Variants in NRG1 observed in about 807,000 individuals in gnomAD.
NRG1 encodes pro-neuregulin-1, membrane-bound isoform.
In NRG1, 18 loss-of-function variants were observed where a neutral mutation model predicts 63.8. The ratio of observed to expected loss-of-function variants is 0.28; its 90% CI spans 0.19 to 0.42. NRG1 has a LOEUF of 0.42. NRG1 is among the 10% of genes least tolerant of loss of function. The probability of loss-of-function intolerance (pLI) is 1.00; values close to 1 mark genes in which losing one functional copy is unlikely to be tolerated. For missense variants in NRG1, 762 were observed against 814.7 expected (o/e 0.94, Z 0.79); for synonymous variants, 302 against 301.3 (o/e 1.00, Z -0.02).
At chr8:31,936,112 G>C (rs1457974964) in intron 1 of NRG1, among the ~76,000 whole-genome samples, 1 of 152,190 alleles carries the variant, frequency 6.6e-6, no homozygotes, top group African/African-American at 2.4e-5. Context: ...ATGCACAAGA[G>C]ATTTCATTGC....
intron 1 of NRG1, among the ~76,000 whole-genome samples, chr8:32,164,260 T>G (rs1247993069): frequency 2.1e-5 from 3 of 142,766 alleles, no homozygotes; most frequent in Non-Finnish European, 4.6e-5. Flanking sequence ...AAAAAAAAAC[T>G]CAACAAGGGA....
Position 32,307,589 on chromosome 8 carries a change from TTGTG to T in NRG1, c.38-288203_38-288200del, listed in dbSNP as rs371611530. Among the ~76,000 whole-genome samples the T allele has an allele frequency of 2.8e-3, 266 of 93,536 alleles. 1 individual carries two copies. Among genetic ancestry groups the T allele is most frequent in the African/African-American group, 8.9e-3 (171 of 19,296 alleles). The allele number at this position is 93,536 out of a possible 152,430, so 61.4% of individuals were successfully genotyped here. On this transcript the variant is annotated intron_variant, in intron 1 of 10. Transcript: ENST00000519301. ...AATGGCTCTATGGTCACCCAGGGGT[TTGTG>T]TGTGTGTGTGTGTGTGTGTGTGTGT...
rs536518073 is a variant in NRG1, at chr8:31,726,309, G to A, written c.37+86878G>A. ...GGAAACAATTTCCTGAGAAGTATTA[G>A]GTTAGACTGTACAAATGTAAAAAAC... On this transcript the variant is annotated intron_variant, in intron 1 of 10. Coordinates refer to the NRG1 transcript ENST00000519301. Among the ~76,000 whole-genome samples the A allele has an allele frequency of 3.3e-5, 5 of 152,248 alleles. No homozygotes were observed. In the East Asian group the frequency reaches 5.8e-4, roughly 18 times the overall value.
chr8:32,146,247 G>A (rs181179771), intron 1 of NRG1, among the ~76,000 whole-genome samples: 18 of 152,268 alleles, frequency 1.2e-4, no homozygotes, highest in Non-Finnish European at 2.5e-4. Flanking sequence ...AAAAACTGAT[G>A]TCTTCCTAAG....
intron 1 of NRG1, among the ~76,000 whole-genome samples, chr8:31,660,564 C>T (rs1474583224): frequency 3.3e-5 from 5 of 152,130 alleles, no homozygotes; most frequent in Admixed American, 6.5e-5. Context: ...TTATTATTTG[C>T]CCTATCTTTG....
intron 1 of NRG1, among the ~76,000 whole-genome samples, chr8:32,573,989 T>G (rs2129529251): frequency 6.6e-6 from 1 of 152,316 alleles, no homozygotes; most frequent in South Asian, 2.1e-4. Context: ...AACTCATCAT[T>G]TTTTATGGCT....
intron 1 of NRG1, among the ~76,000 whole-genome samples, chr8:32,280,680 GTTTTTTTTTTGTTTT>G (rs1390783997): frequency 3.7e-5 from 2 of 53,722 alleles, no homozygotes; most frequent in Non-Finnish European, 7.1e-5. Flanking sequence ...ACTGAATTAG[GTTTTTTTTTTGTTTT>G]TTTTTTTTTT....
intron 1 of NRG1, among the ~76,000 whole-genome samples, chr8:32,150,538 G>C (rs1421374297): frequency 6.6e-6 from 1 of 152,194 alleles, no homozygotes; most frequent in African/African-American, 2.4e-5. Flanking sequence ...GTAGCAAGAG[G>C]CACTCTTTAT....
rs532313501 is a variant in NRG1 at position 32,396,609 on chromosome 8, C to T, written c.38-199219C>T. ...GATTACAGGTGCCAGCCACCACACC[C>T]GGTTCATTTTGTATTTTTAATAGCA... On this transcript the variant is annotated intron_variant, in intron 1 of 10. Coordinates refer to the NRG1 transcript ENST00000519301. Among the ~76,000 whole-genome samples the T allele has an allele frequency of 1.4e-3, 218 of 152,114 alleles. 2 individuals carry two copies. Among genetic ancestry groups the T allele is most frequent in the Admixed American group, 2.1e-3 (32 of 15,272 alleles).
intron 1 of NRG1, among the ~76,000 whole-genome samples, chr8:32,495,015 TA>T (rs1163119156): frequency 6.6e-6 from 1 of 152,138 alleles, no homozygotes; most frequent in Non-Finnish European, 1.5e-5. Context: ...CAGAGAAACA[TA>T]AAAAATTTCC....
chr8:32,416,553 T>C (rs1241793745), intron 1 of NRG1, among the ~76,000 whole-genome samples: 1 of 152,128 alleles, frequency 6.6e-6, no homozygotes, highest in African/African-American at 2.4e-5. Context: ...ACCCGAAAAC[T>C]TGTTAGAAAT....
intron 1 of NRG1, among the ~76,000 whole-genome samples, chr8:32,377,468 T>C (rs1809775764): frequency 6.6e-6 from 1 of 152,224 alleles, no homozygotes; most frequent in Non-Finnish European, 1.5e-5. Flanking sequence ...CCTTTGGGGA[T>C]ACCTGCAAGA....
At chr8:31,962,847 T>TA (rs1275322002) in intron 1 of NRG1, among the ~76,000 whole-genome samples, 9 of 152,328 alleles carry the variant, frequency 5.9e-5, no homozygotes, top group African/African-American at 2.2e-4. Context: ...TATATCTATA[T>TA]AAAATGAGAT....
intron 1 of NRG1, among the ~76,000 whole-genome samples, chr8:32,044,809 A>G (rs1820673629): frequency 6.6e-6 from 1 of 150,598 alleles, no homozygotes; most frequent in African/African-American, 2.4e-5. Context: ...CTGCAAAGCA[A>G]TGTTTGGAAT....
chr8:32,054,107 A>G (rs997567527), intron 1 of NRG1, among the ~76,000 whole-genome samples: 1 of 152,200 alleles, frequency 6.6e-6, no homozygotes, highest in Non-Finnish European at 1.5e-5. Flanking sequence ...AATCAGATAC[A>G]AAGAACTGTT....
chr8:31,697,750 C>T (rs1218278597), intron 1 of NRG1, among the ~76,000 whole-genome samples: 3 of 152,188 alleles, frequency 2.0e-5, no homozygotes, highest in Non-Finnish European at 2.9e-5. Flanking sequence ...TGAGTATTCA[C>T]TAACAGTACC....
At chr8:31,757,561 T>C (rs1817097059) in intron 1 of NRG1, among the ~76,000 whole-genome samples, 1 of 152,022 alleles carries the variant, frequency 6.6e-6, no homozygotes, top group African/African-American at 2.4e-5. Flanking sequence ...CCTAGAAAAA[T>C]GCCACACCAA....
At chr8:31,750,910 A>G (rs76424510) in intron 1 of NRG1, among the ~76,000 whole-genome samples, 1 of 151,976 alleles carries the variant, frequency 6.6e-6, no homozygotes, top group African/African-American at 2.4e-5. Context: ...ATTTGAAAAT[A>G]TGAATCTCAG....
chr8:32,041,424 C>T (rs1820017613), intron 1 of NRG1, among the ~76,000 whole-genome samples: 1 of 152,162 alleles, frequency 6.6e-6, no homozygotes, highest in African/African-American at 2.4e-5. Flanking sequence ...TTTTCAAGGA[C>T]TCTGAAAAGT....
Sources: gnomAD v4.1 joint callset for allele counts (sites outside exome capture counted in the v4.1 genomes callset) on GRCh38, gnomAD v4.1.1 for gene constraint, MANE v1.5 for transcripts, NCBI Gene and HGNC (gene_info 2026-07-23, HGNC 2026-07-21) for gene names.